PTPRD: variants seen among roughly 807,000 people sequenced by gnomAD.
PTPRD encodes the protein receptor-type tyrosine-protein phosphatase delta.
In PTPRD, 34 loss-of-function variants were observed where a neutral mutation model predicts 214.5. That is an observed-to-expected ratio of 0.16 (90% CI 0.12 to 0.21). The LOEUF (loss-of-function observed/expected upper bound fraction) is 0.21. PTPRD is among the 10% of genes least tolerant of loss of function. PTPRD has a pLI of 1.00. For missense variants in PTPRD, 2,545 were observed against 2,398.7 expected (o/e 1.06, Z -1.27); for synonymous variants, 1,128 against 845.7 (o/e 1.33, Z -5.79).
At chr9:9,345,739 G>A (rs557459943) in intron 9 of PTPRD, among the ~76,000 whole-genome samples, 214 of 151,742 alleles carry the variant, frequency 1.4e-3, no homozygotes, top group African/African-American at 4.9e-3. Context: ...TCAAACATTC[G>A]GTTCCTCCAT....
chr9:8,443,237 T>C (rs924282126), intron 34 of PTPRD, among the ~76,000 whole-genome samples: 1 of 152,174 alleles, frequency 6.6e-6, no homozygotes, highest in African/African-American at 2.4e-5. Flanking sequence ...ATATCAGAAA[T>C]TTCAGAAAAT....
rs371813966 is a variant in PTPRD, at chr9:10,253,113, T to C, written c.-545+87850A>G. ...TTTTATTTTATTTTTTCTAAATGAATAGACCTTTTAAGGATACAGAGCTTC... is the reference window on the plus strand; with the variant it reads ...TTTTATTTTATTTTTTCTAAATGAACAGACCTTTTAAGGATACAGAGCTTC... On this transcript the variant is annotated intron_variant, in intron 3 of 45. Coordinates refer to ENST00000381196, the MANE Select transcript of PTPRD (RefSeq NM_002839.4). Among the ~76,000 whole-genome samples, 4 of 152,258 alleles carry C rather than the reference T, an allele frequency of 2.6e-5. 1 individual carries two copies. Among genetic ancestry groups the C allele is most frequent in the African/African-American group, 7.2e-5 (3 of 41,574 alleles).
chr9:9,407,464 A>G lies in PTPRD; in HGVS notation c.-236-9982T>C, dbSNP rs1244013197. Among the ~76,000 whole-genome samples the G allele has an allele frequency of 3.9e-5, 6 of 151,970 alleles. No individual in the cohort carries two copies. The South Asian group carries it at 1.0e-3, about 26-fold the overall frequency. On this transcript the variant is annotated intron_variant, in intron 8 of 45. Coordinates refer to ENST00000381196, the MANE Select transcript of PTPRD (RefSeq NM_002839.4). Reference sequence around the variant, plus strand: ...AAATATAAACAGATAGGGTATCTACATTGAGTATACCAGATTTATCAAAAT... The same window carrying G: ...AAATATAAACAGATAGGGTATCTACGTTGAGTATACCAGATTTATCAAAAT...
At chr9:8,809,737 T>C (rs1473269580) in intron 11 of PTPRD, among the ~76,000 whole-genome samples, 1 of 152,192 alleles carries the variant, frequency 6.6e-6, no homozygotes, top group Non-Finnish European at 1.5e-5. Flanking sequence ...ACAACACTGC[T>C]GTCGAGAGCC....
chr9:9,398,315 T>C (rs2068710684), intron 8 of PTPRD, among the ~76,000 whole-genome samples: 1 of 152,022 alleles, frequency 6.6e-6, no homozygotes, highest in Non-Finnish European at 1.5e-5. Context: ...TATCAGATTC[T>C]ATTTTGTGTG....
intron 3 of PTPRD, among the ~76,000 whole-genome samples, chr9:10,252,346 G>A (rs1205126943): frequency 6.6e-6 from 1 of 151,990 alleles, no homozygotes; most frequent in Non-Finnish European, 1.5e-5. Flanking sequence ...CAGTCACCAT[G>A]CTGTGAGTAA....
intron 2 of PTPRD, among the ~76,000 whole-genome samples, chr9:10,483,643 T>C (rs926893167): frequency 2.6e-5 from 4 of 152,032 alleles, no homozygotes; most frequent in Admixed American, 2.6e-4. Context: ...ATAGAAGATA[T>C]ATAAATGGCC....
At chr9:9,329,489 T>C (rs376803902) in intron 9 of PTPRD, among the ~76,000 whole-genome samples, 2 of 152,310 alleles carry the variant, frequency 1.3e-5, no homozygotes, top group Non-Finnish European at 2.9e-5. Context: ...TGGTTTTTAA[T>C]TAAAGTAAGT....
intron 7 of PTPRD, among the ~76,000 whole-genome samples, chr9:9,691,580 T>C (rs941846016): frequency 6.6e-6 from 1 of 152,064 alleles, no homozygotes; most frequent in Non-Finnish European, 1.5e-5. Context: ...TGAACAGTGC[T>C]GCAACAAACA....
At chr9:9,534,064 A>G (rs573670796) in intron 8 of PTPRD, among the ~76,000 whole-genome samples, 1 of 152,158 alleles carries the variant, frequency 6.6e-6, no homozygotes, top group South Asian at 2.1e-4. Flanking sequence ...ATAAAACCAT[A>G]GCTTAAGCCA....
chr9:10,520,308 C>T (rs2051735785), intron 2 of PTPRD, among the ~76,000 whole-genome samples: 1 of 152,154 alleles, frequency 6.6e-6, no homozygotes, highest in Non-Finnish European at 1.5e-5. Flanking sequence ...AACCACATTT[C>T]CTTAAGCCAA....
intron 12 of PTPRD, among the ~76,000 whole-genome samples, chr9:8,670,706 A>G (rs1174241369): frequency 1.3e-5 from 2 of 152,224 alleles, no homozygotes; most frequent in Non-Finnish European, 2.9e-5. Flanking sequence ...AAAGGATGAC[A>G]AAAAGAGATT....
chr9:9,400,821 T>C (rs2070086193), intron 8 of PTPRD, among the ~76,000 whole-genome samples: 1 of 152,054 alleles, frequency 6.6e-6, no homozygotes, highest in Admixed American at 6.6e-5. Context: ...AAGTTTCTCT[T>C]AAAAGAAGTT....
At chr9:10,299,991 G>A (rs1001362904) in intron 3 of PTPRD, among the ~76,000 whole-genome samples, 1 of 151,858 alleles carries the variant, frequency 6.6e-6, no homozygotes, top group Non-Finnish European at 1.5e-5. Flanking sequence ...ATCTCTGAAA[G>A]GCCAATCTTA....
At chr9:9,025,431 A>G (rs1453134956) in intron 10 of PTPRD, among the ~76,000 whole-genome samples, 1 of 151,996 alleles carries the variant, frequency 6.6e-6, no homozygotes, top group Non-Finnish European at 1.5e-5. Context: ...GGAATTCATG[A>G]GCAGATGTGT....
At chr9:9,165,695 G>A (rs771312589) in intron 10 of PTPRD, among the ~76,000 whole-genome samples, 1 of 152,096 alleles carries the variant, frequency 6.6e-6, no homozygotes, top group African/African-American at 2.4e-5. Flanking sequence ...ATAGCAATGT[G>A]TACATTTCAC....
chr9:10,608,926 T>A (rs1015050655), intron 2 of PTPRD, among the ~76,000 whole-genome samples: 22 of 152,038 alleles, frequency 1.4e-4, no homozygotes, highest in Non-Finnish European at 2.9e-4. Context: ...CCTAAAAAAA[T>A]AAAACAGTGA....
intron 3 of PTPRD, among the ~76,000 whole-genome samples, chr9:10,060,015 A>G (rs1336004753): frequency 6.6e-6 from 1 of 152,056 alleles, no homozygotes; most frequent in Non-Finnish European, 1.5e-5. Flanking sequence ...CAACCAATGA[A>G]AAAATCTTTA....
chr9:9,350,804 A>T (rs1280488733), intron 9 of PTPRD, among the ~76,000 whole-genome samples: 1 of 152,126 alleles, frequency 6.6e-6, no homozygotes, highest in Non-Finnish European at 1.5e-5. Context: ...TAACTTAAAT[A>T]ACATTCATGT....
Sources: gnomAD v4.1 joint callset for allele counts (sites outside exome capture counted in the v4.1 genomes callset) on GRCh38, gnomAD v4.1.1 for gene constraint, MANE v1.5 for transcripts, NCBI Gene and HGNC (gene_info 2026-07-23, HGNC 2026-07-21) for gene names.